PPP6R3: variants seen among roughly 807,000 people sequenced by gnomAD.
The protein encoded by PPP6R3 is serine/threonine-protein phosphatase 6 regulatory subunit 3.
A neutral mutation model predicts 110.7 loss-of-function variants in PPP6R3; 38 were observed. The observed-to-expected ratio is 0.34, with a 90% CI of 0.26 to 0.45. The LOEUF (loss-of-function observed/expected upper bound fraction) is 0.45, where lower values mean the gene tolerates loss of function less well. Among genes scored for constraint, PPP6R3 ranks in the 20% least tolerant of loss-of-function variants. The pLI is 1.00. For missense variants in PPP6R3, 870 were observed against 1,062.4 expected (o/e 0.82, Z 2.52); for synonymous variants, 369 against 373.5 (o/e 0.99, Z 0.14).
intron 4 of PPP6R3, among the ~76,000 whole-genome samples, chr11:68,546,726 G>A (rs759674030): frequency 1.3e-5 from 2 of 152,166 alleles, no homozygotes; most frequent in Non-Finnish European, 2.9e-5. Flanking sequence ...TCGGATGGTG[G>A]GGCATCTTCA....
chr11:68,478,621 A>G (rs2098858651), intron 1 of PPP6R3, among the ~76,000 whole-genome samples: 2 of 129,246 alleles, frequency 1.5e-5, no homozygotes, highest in South Asian at 2.5e-4. Flanking sequence ...TTTGACTCTC[A>G]ACTGATGAGT....
intron 18 of PPP6R3, among the ~76,000 whole-genome samples, chr11:68,594,636 A>G (rs564000309): frequency 7.9e-5 from 12 of 152,348 alleles, no homozygotes; most frequent in African/African-American, 2.2e-4. Context: ...TCAGTATTAT[A>G]ATACTAAGCT....
At chr11:68,466,379 C>T (rs1413176944) in intron 1 of PPP6R3, among the ~76,000 whole-genome samples, 1 of 150,828 alleles carries the variant, frequency 6.6e-6, no homozygotes, top group Non-Finnish European at 1.5e-5. Flanking sequence ...AGTAAAAGGG[C>T]ATTTGACAGT....
intron 15 of PPP6R3, among the ~76,000 whole-genome samples, chr11:68,584,478 A>G (rs907599888): frequency 1.2e-4 from 19 of 152,204 alleles, no homozygotes; most frequent in African/African-American, 4.6e-4. Context: ...TCAAATGTAA[A>G]TTATCAAGGT....
At chr11:68,524,204 T>C (rs2099183330) in intron 2 of PPP6R3, among the ~76,000 whole-genome samples, 1 of 152,168 alleles carries the variant, frequency 6.6e-6, no homozygotes, top group South Asian at 2.1e-4. Context: ...AAGTTTTGCT[T>C]CTATTGCTTG....
At chr11:68,539,217 T>G (rs1454809574) in intron 3 of PPP6R3, among the ~76,000 whole-genome samples, 4 of 152,194 alleles carry the variant, frequency 2.6e-5, no homozygotes, top group Non-Finnish European at 4.4e-5. Flanking sequence ...TGGATCAGCC[T>G]CCTCAGAAGA....
intron 1 of PPP6R3, among the ~76,000 whole-genome samples, chr11:68,511,463 A>AGTGTGTGTGTGTGTGTGT (rs111457206): frequency 0.032 from 4,401 of 138,436 alleles, 98 homozygotes; most frequent in Admixed American, 0.042. Flanking sequence ...ACTGTGTTAG[A>AGTGTGTGTGTGTGTGTGT]GTGTGTGTGT....
At position 68,587,989 on chromosome 11, in the gene PPP6R3, C is replaced by A. The variant is rs146428850; in HGVS notation, c.1695C>A (p.Asn565Lys). The A allele has an allele frequency of 6.2e-7, 1 of 1,614,028 alleles. No individual in the cohort carries two copies. Among genetic ancestry groups the A allele is most frequent in the African/African-American group, 1.3e-5 (1 of 74,894 alleles). The change falls in exon 16 of 24, where the codon AAC (asparagine) becomes AAA (lysine). Residue 565 changes from asparagine (N) to lysine (K), a missense_variant. Physicochemically the swap from Asn to Lys is moderately conservative, Grantham distance 94 (BLOSUM62 0). Coordinates refer to ENST00000393800, the MANE Select transcript of PPP6R3 (RefSeq NM_001164161.2). Reference protein sequence around the residue: ...TSNFIDQFGFNDEKFADQDDI... With the variant: ...TSNFIDQFGFKDEKFADQDDI... The stretch of plus-strand genomic sequence containing the variant: ...ATTTTATTGACCAGTTTGGCTTCAA[C>A]GATGAGAAGTTTGCAGATCAAGATG...
At chr11:68,596,673 C>T (rs2099614694) in intron 19 of PPP6R3, among the ~76,000 whole-genome samples, 1 of 152,256 alleles carries the variant, frequency 6.6e-6, no homozygotes, top group South Asian at 2.1e-4. Flanking sequence ...AAGCTCACAG[C>T]CTTGAAACTT....
intron 1 of PPP6R3, among the ~76,000 whole-genome samples, chr11:68,513,404 G>GT (rs1392710497): frequency 1.2e-4 from 18 of 152,250 alleles, no homozygotes; most frequent in African/African-American, 4.1e-4. Context: ...TGTGATAAGT[G>GT]TATGAGGCTA....
At chr11:68,592,735 A>C (rs2099599376) in intron 18 of PPP6R3, among the ~76,000 whole-genome samples, 1 of 152,204 alleles carries the variant, frequency 6.6e-6, no homozygotes, top group African/African-American at 2.4e-5. Flanking sequence ...CAGCAAAAGA[A>C]AAATACCTTC....
At chr11:68,542,194 C>T (rs1463978963) in intron 3 of PPP6R3, among the ~76,000 whole-genome samples, 3 of 151,608 alleles carry the variant, frequency 2.0e-5, no homozygotes, top group Non-Finnish European at 2.9e-5. Flanking sequence ...CAGGAGATGA[C>T]CTCAGGAGCA....
At chr11:68,536,930 A>G (rs2099274118) in intron 2 of PPP6R3, among the ~76,000 whole-genome samples, 1 of 152,248 alleles carries the variant, frequency 6.6e-6, no homozygotes, top group Admixed American at 6.5e-5. Context: ...GGCAGCCTGT[A>G]GATCATGTAG....
At position 68,613,643 on chromosome 11, in the gene PPP6R3, T is replaced by G; in HGVS notation, c.*526T>G. On this transcript the variant is annotated 3_prime_UTR_variant, in exon 24 of 24. Transcript: ENST00000393800. ...TGGTTGTTCTAACTTACAAAAGTGA[T>G]TTTGAATAAGAAATATTTGGTGTTC... 1 of 985,586 alleles carries G rather than the reference T, an allele frequency of 1.0e-6. No individual in the cohort carries two copies. The highest frequency in any genetic ancestry group is 1.2e-6 in the Non-Finnish European group (1 of 829,700). The allele number at this position is 985,586 out of a possible 1,614,324, so 61.1% of individuals were successfully genotyped here.
At chr11:68,585,228 A>G (rs776163005) in intron 15 of PPP6R3, among the ~76,000 whole-genome samples, 1 of 152,186 alleles carries the variant, frequency 6.6e-6, no homozygotes, top group East Asian at 1.9e-4. Context: ...TCTGCCTTAT[A>G]GAGTTTGGAG....
chr11:68,489,029 T>C (rs1191448642), intron 1 of PPP6R3, among the ~76,000 whole-genome samples: 5 of 152,042 alleles, frequency 3.3e-5, no homozygotes, highest in Non-Finnish European at 7.4e-5. Flanking sequence ...TTGCCTTTTT[T>C]TTTTTTTGAG....
Position 68,515,909 on chromosome 11 carries a change from TA to T in PPP6R3, c.-157-3586del, listed in dbSNP as rs201116855. Among the ~76,000 whole-genome samples, 14 of 152,320 alleles carry T rather than the reference TA, an allele frequency of 9.2e-5. No homozygotes were observed. The East Asian group carries it at 1.5e-3, about 17-fold the overall frequency. On this transcript the variant is annotated intron_variant, in intron 1 of 23. Coordinates refer to ENST00000393800, the MANE Select transcript of PPP6R3 (RefSeq NM_001164161.2). ...TTTTTTATTGTAATAAAATACATAT[TA>T]AAAAATTTACCATCTTAGCCTTTTT...
intron 1 of PPP6R3, among the ~76,000 whole-genome samples, chr11:68,475,223 G>A (rs942160846): frequency 7.3e-4 from 111 of 152,104 alleles, no homozygotes; most frequent in African/African-American, 2.6e-3. Flanking sequence ...AGAGAGCACA[G>A]GGTTGGGGGT....
chr11:68,530,418 TGTC>T (rs998316770), intron 2 of PPP6R3, among the ~76,000 whole-genome samples: 1 of 152,252 alleles, frequency 6.6e-6, no homozygotes, highest in Admixed American at 6.5e-5. Flanking sequence ...CACATTTTGT[TGTC>T]TTAAGTCTTT....
Sources: gnomAD v4.1 joint callset for allele counts (sites outside exome capture counted in the v4.1 genomes callset) on GRCh38, gnomAD v4.1.1 for gene constraint, MANE v1.5 for transcripts, NCBI Gene and HGNC (gene_info 2026-07-23, HGNC 2026-07-21) for gene names.